Variants in PRKACA observed in about 807,000 individuals in gnomAD.
PRKACA encodes the protein protein kinase cAMP-activated catalytic subunit alpha, also known as cAMP-dependent protein kinase catalytic subunit alpha.
PRKACA carries 9 observed loss-of-function variants against 45.8 expected under a neutral mutation model. The observed-to-expected ratio is 0.20, with a 90% CI of 0.12 to 0.34. The LOEUF (loss-of-function observed/expected upper bound fraction) is 0.34, where lower values mean the gene tolerates loss of function less well. Ranked by LOEUF, PRKACA falls within the 10% of genes least tolerant of loss-of-function variation. The probability of loss-of-function intolerance (pLI) is 1.00; values close to 1 mark genes in which losing one functional copy is unlikely to be tolerated. For synonymous variants in PRKACA, 160 were observed against 178.6 expected (o/e 0.90, Z 0.83); for missense variants, 238 against 458.6 (o/e 0.52, Z 4.39).
intron 3 of PRKACA, among the ~76,000 whole-genome samples, chr19:14,104,355 AC>A (rs1183051799): frequency 5.4e-5 from 8 of 148,700 alleles, no homozygotes; most frequent in Admixed American, 4.0e-4. Context: ...AAAAAAAAAA[AC>A]AACAACCAGC....
chr19:14,117,299 G>C (rs1967128669), intron 1 of PRKACA, among the ~76,000 whole-genome samples: 1 of 151,792 alleles, frequency 6.6e-6, no homozygotes, highest in South Asian at 2.1e-4. Context: ...TTTGCAGCAT[G>C]GGGCGGCCCT....
intron 4 of PRKACA, chr19:14,101,182 A>G (rs1419783335): frequency 5.0e-6 from 2 of 401,264 alleles, no homozygotes; most frequent in South Asian, 5.9e-5. Context: ...TAAGGCTCTG[A>G]GGCCACAGTT....
intron 3 of PRKACA, among the ~76,000 whole-genome samples, chr19:14,105,103 G>A (rs1006634104): frequency 7.9e-5 from 12 of 152,024 alleles, no homozygotes; most frequent in Non-Finnish European, 5.9e-5. Flanking sequence ...AAATATTTCC[G>A]AAGTCATGGA....
At chr19:14,108,020 C>A in intron 1 of PRKACA, 1 of 986,020 alleles carries the variant, frequency 1.0e-6, no homozygotes, top group Non-Finnish European at 1.2e-6. Flanking sequence ...CCCCGGCAGA[C>A]CCTGTGCCGG....
At chr19:14,101,131 T>C in intron 4 of PRKACA, 1 of 536,004 alleles carries the variant, frequency 1.9e-6, no homozygotes, top group Non-Finnish European at 3.4e-6. Context: ...CTGCCTTGGC[T>C]GGAGAGAGAA....
At chr19:14,094,158 C>T (rs1977176590) in intron 8 of PRKACA, among the ~76,000 whole-genome samples, 1 of 146,318 alleles carries the variant, frequency 6.8e-6, no homozygotes, top group Admixed American at 6.8e-5. Context: ...GCCACCACAC[C>T]CAGCAAGAAT....
intron 1 of PRKACA, chr19:14,115,072 G>A (rs983142547): frequency 7.1e-6 from 7 of 985,292 alleles, no homozygotes; most frequent in Non-Finnish European, 8.4e-6. Context: ...TCAAAGCAAA[G>A]AGGGACTTCC....
intron 4 of PRKACA, among the ~76,000 whole-genome samples, chr19:14,102,219 C>T (rs943597130): frequency 6.6e-6 from 1 of 151,110 alleles, no homozygotes; most frequent in Non-Finnish European, 1.5e-5. Flanking sequence ...AGCGTTAAAC[C>T]AGGTGTGGGG....
chr19:14,109,995 T>TACACACACAC (rs1259209997), intron 1 of PRKACA, among the ~76,000 whole-genome samples: 1 of 79,626 alleles, frequency 1.3e-5, no homozygotes, highest in African/African-American at 7.0e-5. Flanking sequence ...TATATATATA[T>TACACACACAC]ATATACACAC....
chr19:14,110,784 C>T (rs1599349370), intron 1 of PRKACA, among the ~76,000 whole-genome samples: 1 of 152,252 alleles, frequency 6.6e-6, no homozygotes, highest in African/African-American at 2.4e-5. Context: ...TCCCACTGTA[C>T]AGAGGAGAAG....
intron 4 of PRKACA, 53 bp downstream of exon 4, chr19:14,102,763 G>A: frequency 1.3e-6 from 2 of 1,482,624 alleles, no homozygotes; most frequent in Non-Finnish European, 1.9e-6. Flanking sequence ...CTGGGGGCCA[G>A]AAGGCTGGGA....
chr19:14,114,700 A>G (rs886212094), intron 1 of PRKACA, among the ~76,000 whole-genome samples: 1 of 151,620 alleles, frequency 6.6e-6, no homozygotes, highest in African/African-American at 2.4e-5. Flanking sequence ...CATTCTTCCA[A>G]CTTGGCCAGA....
Position 14,092,621 on chromosome 19 carries a change from A to G in PRKACA, c.*491T>C. 1 of 397,286 alleles carries G rather than the reference A, an allele frequency of 2.5e-6. No homozygotes were observed. The highest frequency in any genetic ancestry group is 3.6e-5 in the East Asian group (1 of 27,994). The allele number at this position is 397,286 out of a possible 1,614,324, so 24.6% of individuals were successfully genotyped here. A position where few individuals can be genotyped will look rare whatever the true frequency, so the allele number is the denominator to read the frequency against. On this transcript the variant is annotated 3_prime_UTR_variant, in exon 10 of 10. Coordinates refer to ENST00000308677, the MANE Select transcript of PRKACA (RefSeq NM_002730.4). Reference sequence around the variant, plus strand: ...CAACCCACTGAACATGTCACTAAAAATCTCTCCTTCCCAGGCAGGATTACT... The same window carrying G: ...CAACCCACTGAACATGTCACTAAAAGTCTCTCCTTCCCAGGCAGGATTACT...
intron 3 of PRKACA, among the ~76,000 whole-genome samples, chr19:14,105,392 T>G (rs1159628089): frequency 6.6e-6 from 1 of 151,798 alleles, no homozygotes; most frequent in African/African-American, 2.4e-5. Context: ...GCACCCATAA[T>G]CCCAGCTACT....
At chr19:14,116,709 C>G (rs767162130) in intron 1 of PRKACA, among the ~76,000 whole-genome samples, 40 of 152,106 alleles carry the variant, frequency 2.6e-4, no homozygotes, top group Non-Finnish European at 5.3e-4. Flanking sequence ...TGAATCCCAA[C>G]AAGACCAGCT....
chr19:14,107,000 G>A, intron 2 of PRKACA, 112 bp from the exon 3 acceptor site: 1 of 1,372,356 alleles, frequency 7.3e-7, no homozygotes, highest in African/African-American at 1.5e-5. Flanking sequence ...GGAGCACGTG[G>A]GGTCAGCGGG....
At chr19:14,093,899 G>T in intron 8 of PRKACA, 107 bp from the exon 9 acceptor site, 1 of 1,196,306 alleles carries the variant, frequency 8.4e-7, no homozygotes, top group Non-Finnish European at 1.1e-6. Flanking sequence ...GGCCTCCAAA[G>T]CAGAGTGCCT....
chr19:14,117,490 C>T lies in PRKACA; in HGVS notation c.46+12G>A. 1 of 1,251,778 alleles carries T rather than the reference C, an allele frequency of 8.0e-7. No homozygotes were observed. Among genetic ancestry groups the T allele is most frequent in the Non-Finnish European group, 1.0e-6 (1 of 993,476 alleles). The allele number at this position is 1,251,778 out of a possible 1,614,324, so 77.5% of individuals were successfully genotyped here. A position where few individuals can be genotyped will look rare whatever the true frequency, so the allele number is the denominator to read the frequency against. ...GCAGGGCCAAGATCGGGGTCACAGC[C>T]CGGGCACTCACCGCTCTCCTGCTCG... On this transcript the variant is annotated intron_variant, in intron 1 of 9. Coordinates refer to ENST00000308677, the MANE Select transcript of PRKACA (RefSeq NM_002730.4).
At chr19:14,096,190 C>G (rs1469691067) in intron 8 of PRKACA, among the ~76,000 whole-genome samples, 1 of 151,566 alleles carries the variant, frequency 6.6e-6, no homozygotes, top group Non-Finnish European at 1.5e-5. Flanking sequence ...AGGCGCCCAC[C>G]ACTATACCCA....
Sources: gnomAD v4.1 joint callset for allele counts (sites outside exome capture counted in the v4.1 genomes callset) on GRCh38, gnomAD v4.1.1 for gene constraint, MANE v1.5 for transcripts, NCBI Gene and HGNC (gene_info 2026-07-23, HGNC 2026-07-21) for gene names.